Variants in SART3 observed in about 807,000 individuals in gnomAD.
The protein encoded by SART3 is spliceosome associated factor 3, U4/U6 recycling protein.
A neutral mutation model predicts 122.3 loss-of-function variants in SART3; 44 were observed. That is an observed-to-expected ratio of 0.36 (90% CI 0.28 to 0.46). The LOEUF (loss-of-function observed/expected upper bound fraction) is 0.46. SART3 is among the 20% of genes least tolerant of loss of function. SART3 has a pLI of 1.00. For synonymous variants in SART3, 442 were observed against 454.0 expected (o/e 0.97, Z 0.34); for missense variants, 1,101 against 1,229.0 (o/e 0.90, Z 1.56).
chr12:108,559,584 G>A (rs1260415461), intron 1 of SART3, among the ~76,000 whole-genome samples: 2 of 145,722 alleles, frequency 1.4e-5, no homozygotes, highest in African/African-American at 2.5e-5. Flanking sequence ...AGAATCGCTT[G>A]AACCAGGGCG....
At chr12:108,529,996 G>A in intron 15 of SART3, 146 bp downstream of exon 15, 1 of 958,334 alleles carries the variant, frequency 1.0e-6, no homozygotes, top group South Asian at 1.3e-5. Flanking sequence ...AGGGCCCCTT[G>A]TTTGCAAGAC....
Position 108,550,486 on chromosome 12 carries a change from T to C in SART3, c.313-1272A>G, listed in dbSNP as rs567422752. Among the ~76,000 whole-genome samples, 6 of 152,200 alleles carry C rather than the reference T, an allele frequency of 3.9e-5. No individual in the cohort carries two copies. The East Asian group carries it at 5.8e-4, about 15-fold the overall frequency. ...TTCAAGTGGTAAAACACGGATACCA[T>C]GTAAGTCAACTCCGTATATTTTAAT... is the stretch of plus-strand genomic sequence containing the variant. On this transcript the variant is annotated intron_variant, in intron 1 of 18. Transcript: ENST00000546815.
In SART3 at chr12:108,544,621, T is replaced by C. The variant is rs991655592; in HGVS notation, c.730-143A>G. On this transcript the variant is annotated intron_variant, in intron 4 of 18. Coordinates refer to ENST00000546815, the MANE Select transcript of SART3 (RefSeq NM_014706.4). ...TCTTGCTGTCACCCTGGCTGGAGTG[T>C]GGTGGTGTGATCACAACTCACTACA... 3.5e-6 allele frequency: 4 copies of C among 1,153,166 alleles called. No homozygotes were observed. The South Asian group carries it at 5.1e-5, about 15-fold the overall frequency. 71.4% of individuals were successfully genotyped at this position (1,153,166 alleles called of 1,614,324 possible). A position where few individuals can be genotyped will look rare whatever the true frequency, so the allele number is the denominator to read the frequency against.
At chr12:108,530,358 C>T (rs1194989849) in intron 14 of SART3, 48 bp from the exon 15 acceptor site, 1 of 1,596,152 alleles carries the variant, frequency 6.3e-7, no homozygotes, top group African/African-American at 1.3e-5. Context: ...CAATTACATT[C>T]ACTGTACTGA....
At chr12:108,534,044 C>T (rs1172357966) in intron 12 of SART3, among the ~76,000 whole-genome samples, 2 of 152,182 alleles carry the variant, frequency 1.3e-5, no homozygotes, top group African/African-American at 4.8e-5. Flanking sequence ...TAGCTGTCTT[C>T]TCCTAGGTCA....
chr12:108,542,172 T>A (rs1423939461), intron 6 of SART3, among the ~76,000 whole-genome samples: 1 of 152,100 alleles, frequency 6.6e-6, no homozygotes, highest in Non-Finnish European at 1.5e-5. Flanking sequence ...GCACAAAAAT[T>A]TGAATGGCCA....
At chr12:108,537,928 C>T (rs1420877155) in intron 8 of SART3, 137 bp downstream of exon 8, 2 of 1,050,608 alleles carry the variant, frequency 1.9e-6, no homozygotes, top group African/African-American at 1.6e-5. Flanking sequence ...TCATCTCTCA[C>T]TCAGAGCCCT....
At position 108,523,521 on chromosome 12, in the gene SART3, G is replaced by A. The variant is rs764796467; in HGVS notation, c.2828C>T (p.Pro943Leu). The stretch of plus-strand genomic sequence containing the variant: ...CATCTTGGGTGCCTCGGTGGCTGCT[G>A]GGGCGGCAACTGCAGGAGCCGCGGC... ...GPAAAPAVAA[P>L]AATEAPKMSN... The change falls in exon 19 of 19, where the codon CCA becomes CTA. Residue 943 changes from proline to leucine, a missense_variant. By Grantham distance (98) the Pro-to-Leu change is moderately conservative. This residue lies in a region of SART3 where 885 missense variants were observed against 1,080.1 expected (regional missense o/e 0.82). Coordinates refer to ENST00000546815, the MANE Select transcript of SART3 (RefSeq NM_014706.4). 1.1e-5 allele frequency: 18 copies of A among 1,613,708 alleles called. No individual in the cohort carries two copies. The highest frequency in any genetic ancestry group is 1.5e-5 in the Non-Finnish European group (18 of 1,180,024).
In SART3 at chr12:108,544,426, C is replaced by A; in HGVS notation, c.781+1G>T. 6.2e-7 allele frequency: 1 copy of A among 1,613,450 alleles called. No individual in the cohort carries two copies. The highest frequency in any genetic ancestry group is 8.5e-7 in the Non-Finnish European group (1 of 1,179,322). On this transcript the variant is annotated splice_donor_variant, in intron 5 of 18. Coordinates refer to ENST00000546815, the MANE Select transcript of SART3 (RefSeq NM_014706.4). LOFTEE classifies it high-confidence loss of function. ...GCTGTTGACATGTCAGTTTCTCTTACCATAGAGTGGGATCGCCAACTGTCG... is the reference window on the plus strand; with the variant it reads ...GCTGTTGACATGTCAGTTTCTCTTAACATAGAGTGGGATCGCCAACTGTCG...
rs75767738 is a variant in SART3, at chr12:108,529,604, G to A, written c.1915+538C>T. Among the ~76,000 whole-genome samples the A allele has an allele frequency of 1.0e-3, 156 of 152,314 alleles. 2 individuals are homozygous for A. The East Asian group carries it at 0.027, about 27-fold the overall frequency. ...GAATCAGCATAAATAATTCTCAAAAGGGTCATCACCAGTGATGGAACAAAG... is the reference window on the plus strand; with the variant it reads ...GAATCAGCATAAATAATTCTCAAAAAGGTCATCACCAGTGATGGAACAAAG... On this transcript the variant is annotated intron_variant, in intron 15 of 18. Coordinates refer to ENST00000546815, the MANE Select transcript of SART3 (RefSeq NM_014706.4).
At chr12:108,523,865 CAG>C (rs1872246290) in intron 18 of SART3, 1 of 606,364 alleles carries the variant, frequency 1.6e-6, no homozygotes, top group Admixed American at 2.9e-5. Flanking sequence ...CAGTCACACT[CAG>C]AGGGGATCAG....
intron 6 of SART3, among the ~76,000 whole-genome samples, chr12:108,539,344 G>A (rs1419396102): frequency 3.9e-5 from 6 of 152,172 alleles, no homozygotes; most frequent in Admixed American, 3.9e-4. Context: ...CTAGACCACA[G>A]GGAATTAAGT....
At chr12:108,549,251 C>T in intron 1 of SART3, 37 bp from the exon 2 acceptor site, 1 of 1,611,344 alleles carries the variant, frequency 6.2e-7, no homozygotes, top group Non-Finnish European at 8.5e-7. Flanking sequence ...TTTAAAACAC[C>T]GTCATCAAGT....
At chr12:108,548,040 C>T (rs776520604) in intron 2 of SART3, 49 bp from the exon 3 acceptor site, 6 of 1,494,506 alleles carry the variant, frequency 4.0e-6, no homozygotes, top group Admixed American at 1.7e-5. Context: ...GTAGGCTAAG[C>T]GCAGGGACTT....
intron 1 of SART3, among the ~76,000 whole-genome samples, chr12:108,552,728 A>G (rs1307600686): frequency 6.6e-6 from 1 of 152,140 alleles, no homozygotes; most frequent in East Asian, 1.9e-4. Flanking sequence ...ATGTTCATGG[A>G]TTGAAAAACT....
intron 3 of SART3, 79 bp from the exon 4 acceptor site, chr12:108,545,402 G>A (rs1187711631): frequency 2.8e-6 from 4 of 1,418,186 alleles, no homozygotes; most frequent in Non-Finnish European, 4.0e-6. Context: ...AACGAAATGT[G>A]CCTACCAAAA....
In SART3 at chr12:108,545,158, G is replaced by A. The variant is rs760281519; in HGVS notation, c.710C>T (p.Ala237Val). ...LWEAYREFES[A>V]IVEAARLEKV... ...ACTCACCCGAGCAGCTTCCACAATC[G>A]CACTTTCAAACTCTCGGTAAGCCTC... is the stretch of plus-strand genomic sequence containing the variant. The change falls in exon 4 of 19, where the codon GCG becomes GTG. Residue 237 changes from alanine to valine, a missense_variant. Transcript: ENST00000546815. 1.1e-5 allele frequency: 17 copies of A among 1,613,816 alleles called. No individual in the cohort carries two copies. The highest frequency in any genetic ancestry group is 2.2e-5 in the East Asian group (1 of 44,872).
intron 7 of SART3, 54 bp downstream of exon 7, chr12:108,538,880 T>C: frequency 6.2e-7 from 1 of 1,610,444 alleles, no homozygotes; most frequent in Non-Finnish European, 8.5e-7. Context: ...CTTACTGATT[T>C]TAAGTAGATT....
At chr12:108,536,950 G>T (rs1241686418) in intron 9 of SART3, among the ~76,000 whole-genome samples, 165 bp from the exon 10 acceptor site, 1 of 152,220 alleles carries the variant, frequency 6.6e-6, no homozygotes, top group Non-Finnish European at 1.5e-5. Flanking sequence ...TAGTTGGGGA[G>T]AAAGAAATTT....
Sources: gnomAD v4.1 joint callset for allele counts (sites outside exome capture counted in the v4.1 genomes callset) on GRCh38, gnomAD v4.1.1 for gene constraint, gnomAD v4.1.1 regional missense constraint, MANE v1.5 for transcripts, NCBI Gene and HGNC (gene_info 2026-07-23, HGNC 2026-07-21) for gene names.